WDR37: variants seen among roughly 807,000 people sequenced by gnomAD.
The protein encoded by WDR37 is WD repeat-containing protein 37.
WDR37 carries 19 observed loss-of-function variants against 62.9 expected under a neutral mutation model. The ratio of observed to expected loss-of-function variants is 0.30; its 90% CI spans 0.21 to 0.44. The LOEUF is 0.44. WDR37 is among the 20% of genes least tolerant of loss of function. The pLI, the probability that WDR37 is intolerant of heterozygous loss-of-function variation, is 1.00. For synonymous variants in WDR37, 250 were observed against 260.9 expected (o/e 0.96, Z 0.40); for missense variants, 474 against 657.6 (o/e 0.72, Z 3.05).
intron 2 of WDR37, chr10:1,074,308 A>C (rs1182274191): frequency 1.7e-6 from 2 of 1,202,352 alleles, no homozygotes; most frequent in African/African-American, 3.2e-5. Context: ...CTGGGCCCTG[A>C]ATGCCCATTC....
At chr10:1,069,385 A>ATTTTTTTTT (rs1564496938) in intron 1 of WDR37, among the ~76,000 whole-genome samples, 1 of 28,470 alleles carries the variant, frequency 3.5e-5, no homozygotes, top group East Asian at 1.1e-3. Flanking sequence ...ATATATATAT[A>ATTTTTTTTT]TATATTTTTT....
Position 1,072,247 on chromosome 10 carries a change from C to T in WDR37, c.92C>T (p.Ser31Leu), listed in dbSNP as rs375901168. Residue 31 changes from serine to leucine, a missense_variant, in exon 2 of 14, where the codon TCG becomes TTG. Physicochemically the swap from Ser to Leu is moderately radical, Grantham distance 145 (BLOSUM62 -2). Coordinates refer to ENST00000263150, the MANE Select transcript of WDR37 (RefSeq NM_014023.4). Reference protein sequence around the residue: ...HSLSIRRTNSSEQERTGLPRD... With the variant: ...HSLSIRRTNSLEQERTGLPRD... Reference sequence around the variant, plus strand: ...CTTTCTATACGAAGAACTAACAGCTCGGAGCAGGAGAGGACGGGACTGCCA... The same window carrying T: ...CTTTCTATACGAAGAACTAACAGCTTGGAGCAGGAGAGGACGGGACTGCCA... 3 of 1,614,138 alleles carry T rather than the reference C, an allele frequency of 1.9e-6. No homozygotes were observed. The highest frequency in any genetic ancestry group is 1.7e-5 in the Admixed American group (1 of 60,014).
chr10:1,063,418 G>T (rs1412152982), intron 1 of WDR37, among the ~76,000 whole-genome samples: 1 of 151,742 alleles, frequency 6.6e-6, no homozygotes, highest in African/African-American at 2.4e-5. Context: ...CTTTTCGGCG[G>T]TAAGTACTTT....
chr10:1,113,733 A>G (rs1201655849), intron 11 of WDR37, among the ~76,000 whole-genome samples: 1 of 152,182 alleles, frequency 6.6e-6, no homozygotes, highest in African/African-American at 2.4e-5. Flanking sequence ...GAATTGCTAC[A>G]ATCTCACAAT....
intron 4 of WDR37, 124 bp from the exon 5 acceptor site, chr10:1,080,288 T>C (rs1468798088): frequency 7.5e-7 from 1 of 1,327,436 alleles, no homozygotes; most frequent in Non-Finnish European, 1.1e-6. Context: ...TGGCTCTGTG[T>C]CACTAGGGTC....
chr10:1,109,771 A>G (rs1252282232), intron 11 of WDR37, among the ~76,000 whole-genome samples: 1 of 152,234 alleles, frequency 6.6e-6, no homozygotes, highest in Admixed American at 6.5e-5. Flanking sequence ...TAGTGGATAC[A>G]TGAAACAATG....
At chr10:1,060,427 AG>A (rs1297254376) in intron 1 of WDR37, among the ~76,000 whole-genome samples, 1 of 152,210 alleles carries the variant, frequency 6.6e-6, no homozygotes, top group African/African-American at 2.4e-5. Context: ...GAATTTTTAG[AG>A]GGGACTATTT....
chr10:1,103,149 A>G lies in WDR37; in HGVS notation c.727-453A>G, dbSNP rs1834882598. On this transcript the variant is annotated intron_variant, in intron 9 of 13. Coordinates refer to ENST00000263150, the MANE Select transcript of WDR37 (RefSeq NM_014023.4). The surrounding 1 kb of genome is among the most constrained non-coding windows in gnomAD (Gnocchi z 6.3). ...CAAAGGAAAATAGACTCTTATGACT[A>G]TAGCAATAGAATTCCAAGTATATTT... 6.6e-6 allele frequency among the ~76,000 whole-genome samples: 1 copy of G among 152,242 alleles called. No homozygotes were observed. Among genetic ancestry groups the G allele is most frequent in the Non-Finnish European group, 1.5e-5 (1 of 68,044 alleles).
At chr10:1,092,888 A>AAAAAAAAAAAG (rs1834446193) in intron 7 of WDR37, among the ~76,000 whole-genome samples, 6 of 150,596 alleles carry the variant, frequency 4.0e-5, no homozygotes, top group Non-Finnish European at 8.9e-5. Flanking sequence ...AAAAAAAAAA[A>AAAAAAAAAAAG]AAAAAAAAAA....
chr10:1,105,393 C>T lies in WDR37; in HGVS notation c.1103+126C>T. ...CTACTATCTTTCAAAAAAATAACTACCTTTCAAATTCTGCTATTCTTTTTC... is the reference window on the plus strand; with the variant it reads ...CTACTATCTTTCAAAAAAATAACTATCTTTCAAATTCTGCTATTCTTTTTC... On this transcript the variant is annotated intron_variant, in intron 11 of 13. Transcript: ENST00000263150. The surrounding 1 kb of genome is among the most constrained non-coding windows in gnomAD (Gnocchi z 5.3). 8.1e-7 allele frequency: 1 copy of T among 1,227,780 alleles called. No individual in the cohort carries two copies. The highest frequency in any genetic ancestry group is 1.1e-6 in the Non-Finnish European group (1 of 894,048). The allele number at this position is 1,227,780 out of a possible 1,614,324, so 76.1% of individuals were successfully genotyped here. A position where few individuals can be genotyped will look rare whatever the true frequency, so the allele number is the denominator to read the frequency against.
intron 5 of WDR37, among the ~76,000 whole-genome samples, chr10:1,083,568 C>T (rs1220536965): frequency 6.6e-6 from 1 of 152,230 alleles, no homozygotes; most frequent in Non-Finnish European, 1.5e-5. Flanking sequence ...AACAGCTGGA[C>T]AGCTGTTTTC....
chr10:1,106,809 G>A (rs1286683469), intron 11 of WDR37, among the ~76,000 whole-genome samples: 2 of 152,294 alleles, frequency 1.3e-5, no homozygotes, highest in South Asian at 4.1e-4. Context: ...GAGCCATCGC[G>A]TCTGGCCAGG....
chr10:1,069,389 A>ATATATATATATATATTTTTTTTTTTT, intron 1 of WDR37, among the ~76,000 whole-genome samples: 5 of 95,804 alleles, frequency 5.2e-5, no homozygotes, highest in African/African-American at 2.3e-4. Context: ...ATATATATAT[A>ATATATATATATATATTTTTTTTTTTT]TTTTTTTTTT....
chr10:1,107,945 C>T lies in WDR37; in HGVS notation c.1103+2678C>T, dbSNP rs115601260. Reference sequence around the variant, plus strand: ...TGTACACACCTGTCTGTAACAGACACGCCCACTTATCCTTCACCTAGGTTC... The same window carrying T: ...TGTACACACCTGTCTGTAACAGACATGCCCACTTATCCTTCACCTAGGTTC... On this transcript the variant is annotated intron_variant, in intron 11 of 13. Coordinates refer to ENST00000263150, the MANE Select transcript of WDR37 (RefSeq NM_014023.4). Among the ~76,000 whole-genome samples the T allele has an allele frequency of 3.2e-3, 483 of 152,342 alleles. 4 individuals carry two copies. The highest frequency in any genetic ancestry group is 0.011 in the African/African-American group (455 of 41,586).
At chr10:1,111,616 C>T (rs977157544) in intron 11 of WDR37, among the ~76,000 whole-genome samples, 1 of 152,144 alleles carries the variant, frequency 6.6e-6, no homozygotes, top group Non-Finnish European at 1.5e-5. Context: ...TCACCTTTTC[C>T]TTTTGATGTG....
At chr10:1,075,206 C>G (rs1038404393) in intron 2 of WDR37, among the ~76,000 whole-genome samples, 7 of 151,866 alleles carry the variant, frequency 4.6e-5, no homozygotes, top group African/African-American at 1.7e-4. Flanking sequence ...TTTCTCTGTG[C>G]ATTTAGTTTC....
intron 13 of WDR37, 86 bp from the exon 14 acceptor site, chr10:1,129,127 G>A: frequency 6.4e-7 from 1 of 1,562,524 alleles, no homozygotes; most frequent in East Asian, 2.3e-5. Flanking sequence ...CGTACTTTGA[G>A]TGATGTGGTT....
rs78208227 is a variant in WDR37 at position 1,082,455 on chromosome 10, A to G, written c.397-1948A>G. ...AAAAATCAGAAAGGGCTTTTTCCACAAAGAAAGACACTTATCTTCTCAAAA... is the reference window on the plus strand; with the variant it reads ...AAAAATCAGAAAGGGCTTTTTCCACGAAGAAAGACACTTATCTTCTCAAAA... On this transcript the variant is annotated intron_variant, in intron 5 of 13. Coordinates refer to ENST00000263150, the MANE Select transcript of WDR37 (RefSeq NM_014023.4). Among the ~76,000 whole-genome samples, 869 of 152,320 alleles carry G rather than the reference A, an allele frequency of 5.7e-3. 13 individuals carry two copies. Among genetic ancestry groups the G allele is most frequent in the African/African-American group, 0.02 (849 of 41,562 alleles).
intron 2 of WDR37, 61 bp downstream of exon 2, chr10:1,072,354 G>A (rs552256006): frequency 5.5e-5 from 88 of 1,591,234 alleles, no homozygotes; most frequent in East Asian, 4.5e-4. Context: ...AGTTTCGCTC[G>A]TTTCCCCGGC....
Sources: allele counts gnomAD v4.1 joint callset (sites outside exome capture counted in the v4.1 genomes callset), GRCh38; gene constraint gnomAD v4.1.1; non-coding constraint Gnocchi (gnomAD v3.1); transcripts MANE v1.5; gene names NCBI Gene and HGNC (gene_info 2026-07-23, HGNC 2026-07-21).